Variants in ANK3 observed in about 807,000 individuals in gnomAD.
ANK3 encodes the protein ankyrin 3.
A neutral mutation model predicts 370.9 loss-of-function variants in ANK3; 57 were observed. That is an observed-to-expected ratio of 0.15 (90% confidence interval 0.12 to 0.19). ANK3 has a LOEUF of 0.19. Among genes scored for constraint, ANK3 ranks in the 10% least tolerant of loss-of-function variants. ANK3 has a pLI of 1.00. For synonymous variants in ANK3, 1,929 were observed against 1,946.3 expected (o/e 0.99, Z 0.23); for missense variants, 4,439 against 5,302.1 (o/e 0.84, Z 5.06).
intron 1 of ANK3, among the ~76,000 whole-genome samples, chr10:60,669,720 T>C (rs12769103): frequency 6.6e-6 from 1 of 152,236 alleles, no homozygotes; most frequent in African/African-American, 2.4e-5. Context: ...CTTTCTTTGG[T>C]TGACTTCCTC....
chr10:60,079,922 T>G (rs2084782855), intron 36 of ANK3, among the ~76,000 whole-genome samples: 2 of 151,768 alleles, frequency 1.3e-5, no homozygotes, highest in Admixed American at 1.3e-4. Context: ...ACCAAAACGA[T>G]CATTGAGAAA....
chr10:60,303,040 T>C (rs1428985215), intron 1 of ANK3, among the ~76,000 whole-genome samples: 2 of 152,144 alleles, frequency 1.3e-5, no homozygotes, highest in Non-Finnish European at 2.9e-5. Flanking sequence ...TATCTAACAC[T>C]GTATACAAAA....
chr10:60,528,959 T>A (rs2133196599), intron 2 of ANK3, among the ~76,000 whole-genome samples: 1 of 152,272 alleles, frequency 6.6e-6, no homozygotes, highest in African/African-American at 2.4e-5. Context: ...TTTATAATAA[T>A]GCTGAGATAC....
chr10:60,132,955 A>C (rs1218480211), intron 25 of ANK3, among the ~76,000 whole-genome samples: 3 of 152,086 alleles, frequency 2.0e-5, no homozygotes, highest in African/African-American at 7.2e-5. Context: ...CTGACCAAAC[A>C]CTGAATAACC....
At chr10:60,088,021 A>C in intron 29 of ANK3, 126 bp downstream of exon 29, 1 of 745,408 alleles carries the variant, frequency 1.3e-6, no homozygotes, top group Non-Finnish European at 2.3e-6. Flanking sequence ...TGAAATAGGT[A>C]AATGATTCCC....
chr10:60,557,786 AGG>A (rs1321221795), intron 2 of ANK3, among the ~76,000 whole-genome samples: 1 of 152,212 alleles, frequency 6.6e-6, no homozygotes, highest in Non-Finnish European at 1.5e-5. Context: ...CAGACATAAA[AGG>A]GTCCAACTAC....
chr10:60,674,443 G>A (rs2079099632), intron 1 of ANK3, among the ~76,000 whole-genome samples: 1 of 151,998 alleles, frequency 6.6e-6, no homozygotes, highest in Admixed American at 6.6e-5. Context: ...GCAGGGAGGA[G>A]GGAGATGCCA....
intron 23 of ANK3, chr10:60,145,957 G>A: frequency 1.3e-6 from 1 of 792,936 alleles, no homozygotes; most frequent in East Asian, 2.7e-5. Flanking sequence ...GCAAAGAGGA[G>A]GGAGACTTAC....
rs2094230190 is a variant in ANK3 at position 60,134,276 on chromosome 10, C to T, written c.2836G>A (p.Glu946Lys). 1 of 1,613,402 alleles carries T rather than the reference C, an allele frequency of 6.2e-7. No homozygotes were observed. Among genetic ancestry groups the T allele is most frequent in the South Asian group, 1.1e-5 (1 of 91,020 alleles). The change falls in exon 25 of 44, where the codon GAG becomes AAG. Residue 946 changes from glutamate to lysine, a missense_variant. Glu to Lys is a moderately conservative substitution (Grantham distance 56). Transcript: ENST00000280772. Reference protein sequence around the residue: ...MIEELLVPSKEQHLTFTREFD... With the variant: ...MIEELLVPSKKQHLTFTREFD... ...ATTTTGAAAAGAATGCATACCTGCT[C>T]TTTGGATGGCACAAGGAGTTCTTCA... is the stretch of plus-strand genomic sequence containing the variant.
chr10:60,292,669 T>C (rs1412409041), intron 1 of ANK3, among the ~76,000 whole-genome samples: 4 of 151,252 alleles, frequency 2.6e-5, no homozygotes, highest in Non-Finnish European at 5.9e-5. Flanking sequence ...AGGCATGTGC[T>C]GAACAAAAAA....
At chr10:60,528,503 A>T (rs909514514) in intron 2 of ANK3, among the ~76,000 whole-genome samples, 1 of 152,136 alleles carries the variant, frequency 6.6e-6, no homozygotes, top group Non-Finnish European at 1.5e-5. Context: ...CCATAATTAC[A>T]TTAGGTTGAA....
At chr10:60,284,918 C>T (rs1225977916) in intron 1 of ANK3, among the ~76,000 whole-genome samples, 2 of 152,098 alleles carry the variant, frequency 1.3e-5, no homozygotes, top group Admixed American at 6.6e-5. Context: ...GATGCTCCTT[C>T]CTGTAAACTT....
chr10:60,729,430 G>A (rs114129243), intron 1 of ANK3, among the ~76,000 whole-genome samples: 47 of 152,200 alleles, frequency 3.1e-4, no homozygotes, highest in African/African-American at 1.1e-3. Flanking sequence ...AAACACATAG[G>A]AAAATAGCCT....
intron 1 of ANK3, among the ~76,000 whole-genome samples, chr10:60,675,230 G>A (rs1356692735): frequency 6.6e-6 from 1 of 152,208 alleles, no homozygotes; most frequent in African/African-American, 2.4e-5. Flanking sequence ...AAAGGAGTCA[G>A]TACATTAATC....
intron 2 of ANK3, among the ~76,000 whole-genome samples, chr10:60,438,610 G>T (rs1456397424): frequency 6.6e-6 from 1 of 152,142 alleles, no homozygotes; most frequent in Non-Finnish European, 1.5e-5. Flanking sequence ...GGATGATTAG[G>T]TGTTAGATGA....
At chr10:60,082,358 CAT>C (rs2085481420) in intron 34 of ANK3, 182 bp from the exon 35 acceptor site, 1 of 678,090 alleles carries the variant, frequency 1.5e-6, no homozygotes. Context: ...GGCAAATTAA[CAT>C]ATGACGTTAT....
chr10:60,213,571 ACTT>A (rs1353905382), intron 8 of ANK3, 61 bp from the exon 9 acceptor site: 14 of 1,125,462 alleles, frequency 1.2e-5, no homozygotes, highest in Non-Finnish European at 1.7e-5. Context: ...AGTGCAGTGT[ACTT>A]CTTCAAGATC....
chr10:60,042,433 C>T (rs576789586), intron 43 of ANK3, among the ~76,000 whole-genome samples: 1 of 152,286 alleles, frequency 6.6e-6, no homozygotes, highest in South Asian at 2.1e-4. Context: ...ACATAATTTA[C>T]AATTAAATTG....
At chr10:60,501,248 A>G (rs2075788232) in intron 2 of ANK3, among the ~76,000 whole-genome samples, 1 of 152,190 alleles carries the variant, frequency 6.6e-6, no homozygotes, top group South Asian at 2.1e-4. Flanking sequence ...GACGGAATGA[A>G]AACATCAGTG....
Sources: allele counts gnomAD v4.1 joint callset (sites outside exome capture counted in the v4.1 genomes callset), GRCh38; gene constraint gnomAD v4.1.1; transcripts MANE v1.5; gene names NCBI Gene and HGNC (gene_info 2026-07-23, HGNC 2026-07-21).